FAM169A: variants seen among roughly 807,000 people sequenced by gnomAD.
The protein encoded by FAM169A is family with sequence similarity 169 member A, also known as soluble lamin-associated protein of 75 kDa.
In FAM169A, 24 loss-of-function variants were observed where a neutral mutation model predicts 75.7. The ratio of observed to expected loss-of-function variants is 0.32; its 90% CI spans 0.23 to 0.45. FAM169A has a LOEUF of 0.45. Ranked by LOEUF, FAM169A falls within the 20% of genes least tolerant of loss-of-function variation. The pLI is 1.00. For missense variants in FAM169A, 673 were observed against 784.0 expected (o/e 0.86, Z 1.69); for synonymous variants, 271 against 271.0 (o/e 1.00, Z 0.00).
At chr5:74,833,781 T>A (rs1748438140) in intron 5 of FAM169A, among the ~76,000 whole-genome samples, 1 of 152,148 alleles carries the variant, frequency 6.6e-6, no homozygotes, top group East Asian at 1.9e-4. Flanking sequence ...ACAGAGTAAG[T>A]AGGTTAGAGC....
Position 74,866,233 on chromosome 5 carries a change from C to T in FAM169A, c.-72G>A, listed in dbSNP as rs1344703656. 1 of 983,766 alleles carries T rather than the reference C, an allele frequency of 1.0e-6. No homozygotes were observed. Among genetic ancestry groups the T allele is most frequent in the African/African-American group, 1.7e-5 (1 of 57,232 alleles). The allele number at this position is 983,766 out of a possible 1,614,324, so 60.9% of individuals were successfully genotyped here. A position where few individuals can be genotyped will look rare whatever the true frequency, so the allele number is the denominator to read the frequency against. ...GGCGGAGCCGCGCGAATGAATGGAGCCGGCGGCTGCTCGCTGGCGACCTCC... is the reference window on the plus strand; with the variant it reads ...GGCGGAGCCGCGCGAATGAATGGAGTCGGCGGCTGCTCGCTGGCGACCTCC... On this transcript the variant is annotated 5_prime_UTR_variant, in exon 1 of 13. Coordinates refer to ENST00000687041, the MANE Select transcript of FAM169A (RefSeq NM_001376049.1).
chr5:74,799,989 T>C, intron 10 of FAM169A: 2 of 791,468 alleles, frequency 2.5e-6, no homozygotes, highest in South Asian at 2.7e-5. Flanking sequence ...AGTCTCTATT[T>C]ATGAGGTGGA....
chr5:74,782,833 ATG>A (rs1745479022), intron 12 of FAM169A, 96 bp downstream of exon 12: 2 of 742,852 alleles, frequency 2.7e-6, no homozygotes. Context: ...AGCACTGTAC[ATG>A]TAAAGGTGGA....
At chr5:74,824,736 C>G (rs1359375997) in intron 5 of FAM169A, among the ~76,000 whole-genome samples, 5 of 151,798 alleles carry the variant, frequency 3.3e-5, no homozygotes, top group African/African-American at 1.2e-4. Context: ...CACATACACA[C>G]ACACAAACAC....
Position 74,781,653 on chromosome 5 carries a change from T to G in FAM169A, c.1820A>C (p.Gln607Pro). The change falls in exon 13 of 13, where the codon CAG becomes CCG. Residue 607 changes from glutamine (Q) to proline (P), a missense_variant. Coordinates refer to ENST00000687041, the MANE Select transcript of FAM169A (RefSeq NM_001376049.1). ...AGACTGCTCCTCTGACTGATTCTTC[T>G]GTCCTGCATTCTGTGAAAATGGCAC... ...EDVPFSQNAG[Q>P]KNQSEEQSEA... 6.2e-7 allele frequency: 1 copy of G among 1,614,210 alleles called. No homozygotes were observed. The highest frequency in any genetic ancestry group is 1.1e-5 in the South Asian group (1 of 91,088).
At chr5:74,859,268 C>G (rs1229502796) in intron 1 of FAM169A, among the ~76,000 whole-genome samples, 1 of 147,600 alleles carries the variant, frequency 6.8e-6, no homozygotes, top group African/African-American at 2.5e-5. Context: ...CACAAACTAA[C>G]AAAAAATGAA....
At chr5:74,792,890 C>A (rs1408593483) in intron 11 of FAM169A, among the ~76,000 whole-genome samples, 1 of 152,120 alleles carries the variant, frequency 6.6e-6, no homozygotes, top group African/African-American at 2.4e-5. Flanking sequence ...TGAGCAATCC[C>A]ACTACTGGCT....
rs372575886 is a variant in FAM169A, at chr5:74,781,520, A to G, written c.1953T>C (p.Asn651=). ...TATGCCCTTTGGCCTTTCTTCTTAA[A>G]TTCCGCCTGTCTACCACAGGCACTT... ...EVEVPVVDRR[N]LRRKAKGHKG... Residue 651 remains asparagine (N), a synonymous_variant, in exon 13 of 13, where the codon AAT becomes AAC. Transcript: ENST00000687041. 1.2e-6 allele frequency: 2 copies of G among 1,614,004 alleles called. No homozygotes were observed. Among genetic ancestry groups the G allele is most frequent in the African/African-American group, 2.7e-5 (2 of 74,892 alleles).
At chr5:74,800,431 A>C (rs540782026) in intron 10 of FAM169A, among the ~76,000 whole-genome samples, 9 of 152,300 alleles carry the variant, frequency 5.9e-5, no homozygotes, top group Admixed American at 2.0e-4. Context: ...ACTATATCTC[A>C]GCATTACTTA....
chr5:74,842,419 A>AC (rs1748921578), intron 1 of FAM169A, among the ~76,000 whole-genome samples: 3 of 99,450 alleles, frequency 3.0e-5, no homozygotes, highest in Admixed American at 2.1e-4. Context: ...AGACTCTATC[A>AC]CAAAAAAAAA....
intron 1 of FAM169A, among the ~76,000 whole-genome samples, chr5:74,862,488 C>A (rs1409062601): frequency 1.2e-4 from 18 of 152,222 alleles, no homozygotes; most frequent in Non-Finnish European, 1.2e-4. Context: ...ACTGTCACTG[C>A]CTCTGTAAAG....
intron 9 of FAM169A, 122 bp downstream of exon 9, chr5:74,801,468 A>C: frequency 1.3e-6 from 1 of 793,488 alleles, no homozygotes; most frequent in Non-Finnish European, 2.2e-6. Context: ...TAGATTTTAG[A>C]GCTGGTTAAG....
chr5:74,822,635 C>CAGTGAGTGTATAACAGTGTAT (rs1309470821), intron 5 of FAM169A, among the ~76,000 whole-genome samples: 2 of 152,142 alleles, frequency 1.3e-5, no homozygotes, highest in African/African-American at 4.8e-5. Flanking sequence ...TCACTTTATA[C>CAGTGAGTGTATAACAGTGTAT]AACAGTTTTG....
At chr5:74,842,212 G>C (rs920100180) in intron 1 of FAM169A, among the ~76,000 whole-genome samples, 4 of 151,480 alleles carry the variant, frequency 2.6e-5, no homozygotes, top group African/African-American at 9.7e-5. Context: ...CATGAGGTCA[G>C]GAGTTCAAGA....
chr5:74,845,698 G>A (rs1002274836), intron 1 of FAM169A, among the ~76,000 whole-genome samples: 2 of 152,114 alleles, frequency 1.3e-5, no homozygotes, highest in Non-Finnish European at 2.9e-5. Flanking sequence ...GAGAAGGTAA[G>A]AAAAACTTGT....
intron 5 of FAM169A, among the ~76,000 whole-genome samples, chr5:74,816,693 C>T (rs1187679659): frequency 6.6e-6 from 1 of 152,150 alleles, no homozygotes; most frequent in Non-Finnish European, 1.5e-5. Context: ...TGTGGATTTA[C>T]CTAGTAAAGC....
At chr5:74,827,272 A>G (rs1481469918) in intron 5 of FAM169A, among the ~76,000 whole-genome samples, 1 of 152,162 alleles carries the variant, frequency 6.6e-6, no homozygotes, top group Non-Finnish European at 1.5e-5. Context: ...TATATGTATC[A>G]AATGGACTCT....
intron 10 of FAM169A, among the ~76,000 whole-genome samples, chr5:74,796,508 C>A (rs1408867289): frequency 6.6e-6 from 1 of 151,878 alleles, no homozygotes; most frequent in Non-Finnish European, 1.5e-5. Context: ...CAGGTTCAAG[C>A]GATTCTCCTG....
At chr5:74,841,507 C>G in intron 2 of FAM169A, 38 bp downstream of exon 2, 1 of 1,486,268 alleles carries the variant, frequency 6.7e-7, no homozygotes, top group Non-Finnish European at 9.1e-7. Context: ...ATAAACTGAA[C>G]TGAAAAGATT....
Sources: gnomAD v4.1 joint callset for allele counts (sites outside exome capture counted in the v4.1 genomes callset) on GRCh38, gnomAD v4.1.1 for gene constraint, MANE v1.5 for transcripts, NCBI Gene and HGNC (gene_info 2026-07-23, HGNC 2026-07-21) for gene names.